Variants in POLD1 observed in about 807,000 individuals in gnomAD.
POLD1 encodes the protein DNA polymerase delta 1, catalytic subunit, also known as DNA polymerase delta catalytic subunit.
Under a neutral mutation model 129.7 loss-of-function variants are expected in POLD1, and 79 were observed. That is an observed-to-expected ratio of 0.61 (90% CI 0.51 to 0.73). POLD1 has a LOEUF of 0.73. Ranked by LOEUF, POLD1 falls within the 30% of genes least tolerant of loss-of-function variation. The pLI is 0.00. For synonymous variants in POLD1, 714 were observed against 683.3 expected (o/e 1.04, Z -0.70); for missense variants, 1,338 against 1,595.8 (o/e 0.84, Z 2.75).
intron 3 of POLD1, among the ~76,000 whole-genome samples, chr19:50,400,793 T>C (rs1394118835): frequency 1.3e-5 from 2 of 150,738 alleles, no homozygotes; most frequent in African/African-American, 2.4e-5. Context: ...GCCTCCCAGG[T>C]TCACGCCATT....
At chr19:50,407,229 C>T (rs2038928807) in intron 13 of POLD1, 55 bp downstream of exon 13, 3 of 1,559,366 alleles carry the variant, frequency 1.9e-6, no homozygotes, top group Non-Finnish European at 2.6e-6. Context: ...CTGTGGCCCC[C>T]TCCAGGCAAT....
chr19:50,408,056 G>A (rs2038963126), intron 14 of POLD1, among the ~76,000 whole-genome samples: 1 of 149,644 alleles, frequency 6.7e-6, no homozygotes, highest in African/African-American at 2.5e-5. Context: ...TAATAGGCCA[G>A]GCACGGTGGC....
At chr19:50,403,252 C>T (rs1360265517) in intron 9 of POLD1, 33 bp downstream of exon 9, 10 of 1,513,328 alleles carry the variant, frequency 6.6e-6, no homozygotes, top group South Asian at 2.5e-5. Flanking sequence ...CACCATTTCC[C>T]GGGGTCCCCG....
intron 19 of POLD1, 83 bp downstream of exon 19, chr19:50,413,962 C>T (rs2039185874): frequency 3.6e-6 from 5 of 1,407,782 alleles, no homozygotes; most frequent in Non-Finnish European, 4.8e-6. Flanking sequence ...TTCACAAAAG[C>T]CACAGTGTGA....
At chr19:50,416,274 C>G (rs1409772301) in intron 22 of POLD1, 122 bp from the exon 23 acceptor site, 14 of 1,003,630 alleles carry the variant, frequency 1.4e-5, no homozygotes, top group Non-Finnish European at 1.9e-5. Flanking sequence ...CAGACCCAGG[C>G]CCCCCCCATG....
rs959836191 is a variant in POLD1, at chr19:50,413,725, A to G, written c.2251-17A>G. The G allele has an allele frequency of 6.3e-7, 1 of 1,586,364 alleles. No individual in the cohort carries two copies. Among genetic ancestry groups the G allele is most frequent in the Non-Finnish European group, 8.6e-7 (1 of 1,168,332 alleles). ...GGGACCCTGCTTCTCACATACACAC[A>G]TCCCCACCGCCCGCAGGTGGTGTAT... On this transcript the variant is annotated splice_polypyrimidine_tract_variant and intron_variant, in intron 18 of 26. Transcript: ENST00000440232.
chr19:50,417,204 C>G lies in POLD1; in HGVS notation c.3153C>G (p.Phe1051Leu), dbSNP rs951661619. 1 of 1,606,924 alleles carries G rather than the reference C, an allele frequency of 6.2e-7. No individual in the cohort carries two copies. The highest frequency in any genetic ancestry group is 8.5e-7 in the Non-Finnish European group (1 of 1,178,224). Residue 1051 changes from phenylalanine (F) to leucine (L), a missense_variant, in exon 26 of 27, where the codon TTC (phenylalanine) becomes TTG (leucine). Phe to Leu is a conservative substitution (Grantham distance 22, BLOSUM62 0). Transcript: ENST00000440232. ...ATCTGAATGCCCTGGAGGAGCGCTT[C>G]TCGCGCCTCTGGACGCAGTGCCAGC... is the stretch of plus-strand genomic sequence containing the variant. ...VSHLNALEER[F>L]SRLWTQCQRC...
At position 50,407,427 on chromosome 19, in the gene POLD1, G is replaced by A. The variant is rs527366294; in HGVS notation, c.1775+12G>A. 1.3e-6 allele frequency: 2 copies of A among 1,573,054 alleles called. No homozygotes were observed. The highest frequency in any genetic ancestry group is 1.7e-6 in the Non-Finnish European group (2 of 1,154,704). On this transcript the variant is annotated intron_variant, in intron 14 of 26. Coordinates refer to ENST00000440232, the MANE Select transcript of POLD1 (RefSeq NM_002691.4). ...GAGCCCCTCAAAGGGTGAGGCCCCA[G>A]GCTGGGTGCAGTTTTTACCTGTAAT...
chr19:50,403,334 C>T (rs2038738769), intron 9 of POLD1, 115 bp downstream of exon 9: 2 of 1,209,972 alleles, frequency 1.7e-6, no homozygotes, highest in South Asian at 1.4e-5. Flanking sequence ...GGGTGGGTGT[C>T]TGTGGGTCTG....
intron 10 of POLD1, among the ~76,000 whole-genome samples, chr19:50,403,859 G>C (rs2038764488): frequency 6.6e-6 from 1 of 152,216 alleles, no homozygotes. Flanking sequence ...GAAGCTTGCA[G>C]GGGTTCAACA....
chr19:50,398,860 C>T lies in POLD1; in HGVS notation c.9C>T (p.Gly3=), dbSNP rs1060501826. 1.2e-6 allele frequency: 2 copies of T among 1,608,218 alleles called. No individual in the cohort carries two copies. The highest frequency in any genetic ancestry group is 2.2e-5 in the East Asian group (1 of 44,776). MD[G]KRRPGPGPGV... ...CCAACTTGCCCAGCAGGATGGATGGCAAGCGGCGGCCAGGCCCAGGGCCCG... is the reference window on the plus strand; with the variant it reads ...CCAACTTGCCCAGCAGGATGGATGGTAAGCGGCGGCCAGGCCCAGGGCCCG... Residue 3 remains glycine, a synonymous_variant, in exon 2 of 27, where the codon GGC becomes GGT. Transcript: ENST00000440232.
intron 1 of POLD1, among the ~76,000 whole-genome samples, chr19:50,393,044 G>A (rs964286720): frequency 1.4e-4 from 21 of 152,194 alleles, no homozygotes; most frequent in South Asian, 4.1e-4. Flanking sequence ...GATTTCAAAC[G>A]ATGCTTCCGG....
intron 14 of POLD1, 151 bp from the exon 15 acceptor site, chr19:50,408,634 C>A: frequency 8.4e-7 from 1 of 1,193,498 alleles, no homozygotes; most frequent in Non-Finnish European, 1.2e-6. Context: ...CCTCCTGCCT[C>A]AGCCTCCCAA....
Position 50,385,336 on chromosome 19 carries a change from G to A in POLD1, c.-2+946G>A, listed in dbSNP as rs1279734469. 3.3e-5 allele frequency among the ~76,000 whole-genome samples: 5 copies of A among 152,204 alleles called. No homozygotes were observed. In the East Asian group the frequency reaches 9.7e-4, roughly 29 times the overall value. On this transcript the variant is annotated intron_variant, in intron 1 of 26. Transcript: ENST00000440232. The stretch of plus-strand genomic sequence containing the variant: ...GGGGAAGAGTCCAGGATGACTCCTG[G>A]GTTTGTGGTTTGAGCAGCAGGCTGG...
At chr19:50,401,391 A>ATATATATATAT (rs1334231607) in intron 3 of POLD1, among the ~76,000 whole-genome samples, 2 of 65,948 alleles carry the variant, frequency 3.0e-5, no homozygotes, top group African/African-American at 6.9e-5. Context: ...ATATATATAT[A>ATATATATATAT]TTTTTTTTTT....
chr19:50,417,834 A>G lies in POLD1; in HGVS notation c.3219-8A>G, dbSNP rs1420038281. ...TGGTCCTGACCCTGCCCCTGCCCCC[A>G]CCCGCAGCCGGGACTGCCCCATCTT... On this transcript the variant is annotated splice_polypyrimidine_tract_variant and splice_region_variant and intron_variant, in intron 26 of 26. Coordinates refer to ENST00000440232, the MANE Select transcript of POLD1 (RefSeq NM_002691.4). 1 of 1,562,504 alleles carries G rather than the reference A, an allele frequency of 6.4e-7. No homozygotes were observed. Among genetic ancestry groups the G allele is most frequent in the African/African-American group, 1.6e-5 (1 of 61,744 alleles).
chr19:50,414,628 T>C (rs1050889279), intron 19 of POLD1, among the ~76,000 whole-genome samples, 187 bp from the exon 20 acceptor site: 2 of 152,216 alleles, frequency 1.3e-5, no homozygotes, highest in Non-Finnish European at 2.9e-5. Context: ...GCTCTGGCAT[T>C]GCCGAGGGGC....
intron 1 of POLD1, among the ~76,000 whole-genome samples, chr19:50,388,897 A>G (rs1405524287): frequency 7.5e-6 from 1 of 132,564 alleles, no homozygotes; most frequent in African/African-American, 3.0e-5. Context: ...CAGTGGTGCG[A>G]CCTTGGCTCA....
chr19:50,394,320 C>T (rs1440106799), intron 1 of POLD1, among the ~76,000 whole-genome samples: 11 of 152,128 alleles, frequency 7.2e-5, no homozygotes, highest in African/African-American at 1.9e-4. Context: ...GTGGCCACTC[C>T]GGACACGCAG....
Sources: allele counts gnomAD v4.1 joint callset (sites outside exome capture counted in the v4.1 genomes callset), GRCh38; gene constraint gnomAD v4.1.1; transcripts MANE v1.5; gene names NCBI Gene and HGNC (gene_info 2026-07-23, HGNC 2026-07-21).